ATP6V0A1: variants seen among roughly 807,000 people sequenced by gnomAD.
ATP6V0A1 encodes ATPase H+ transporting V0 subunit a1.
A neutral mutation model predicts 105.4 loss-of-function variants in ATP6V0A1; 43 were observed. The observed-to-expected ratio is 0.41, with a 90% CI of 0.32 to 0.53. The LOEUF (loss-of-function observed/expected upper bound fraction) is 0.53, where lower values mean the gene tolerates loss of function less well. Ranked by LOEUF, ATP6V0A1 falls within the 20% of genes least tolerant of loss-of-function variation. The pLI, the probability that ATP6V0A1 is intolerant of heterozygous loss-of-function variation, is 0.30. For missense variants in ATP6V0A1, 676 were observed against 1,051.1 expected, an observed-to-expected ratio of 0.64 and a Z score of 4.93; for synonymous variants, 362 against 372.8, an observed-to-expected ratio of 0.97 and a Z score of 0.33.
intron 17 of ATP6V0A1, 103 bp from the exon 18 acceptor site, chr17:42,507,415 CAT>C: frequency 1.7e-5 from 13 of 785,774 alleles, no homozygotes; most frequent in Non-Finnish European, 2.8e-5. Flanking sequence ...TGTTGTTAGA[CAT>C]ATGCTTTTCT....
intron 5 of ATP6V0A1, among the ~76,000 whole-genome samples, chr17:42,475,206 G>A (rs964626795): frequency 2.0e-5 from 3 of 152,100 alleles, no homozygotes; most frequent in South Asian, 2.1e-4. Context: ...TTTTTTTCTC[G>A]ATGTAGATGG....
chr17:42,503,643 C>T (rs570796585), intron 17 of ATP6V0A1, among the ~76,000 whole-genome samples: 2 of 152,276 alleles, frequency 1.3e-5, no homozygotes, highest in African/African-American at 4.8e-5. Flanking sequence ...AAAGTCTCAC[C>T]AGTAGTGATT....
At chr17:42,509,308 C>T (rs938263335) in intron 19 of ATP6V0A1, among the ~76,000 whole-genome samples, 3 of 152,176 alleles carry the variant, frequency 2.0e-5, no homozygotes, top group Non-Finnish European at 2.9e-5. Context: ...TCTGGCTCAG[C>T]AGTAATTCAC....
At chr17:42,505,203 T>TTTTTG (rs1369641847) in intron 17 of ATP6V0A1, among the ~76,000 whole-genome samples, 5 of 151,964 alleles carry the variant, frequency 3.3e-5, no homozygotes, top group Non-Finnish European at 7.4e-5. Context: ...GCCTGGCTAA[T>TTTTTG]TTTTGTTTTG....
rs149119705 is a variant in ATP6V0A1 at position 42,501,903 on chromosome 17, G to A, written c.2004+599G>A. Among the ~76,000 whole-genome samples the A allele has an allele frequency of 1.8e-4, 27 of 152,060 alleles. No individual in the cohort carries two copies. The East Asian group carries it at 4.1e-3, about 23-fold the overall frequency. ...ACAAAAATTAGCCAAGCGTGTTGGC[G>A]CGTGCCTGTAGTCCCAGCTACTTGG... On this transcript the variant is annotated intron_variant, in intron 17 of 21. Transcript: ENST00000343619.
At chr17:42,493,733 G>A (rs1357050656) in intron 11 of ATP6V0A1, among the ~76,000 whole-genome samples, 1 of 152,198 alleles carries the variant, frequency 6.6e-6, no homozygotes. Context: ...AGGATAACTT[G>A]AGTCCAGGGG....
intron 17 of ATP6V0A1, among the ~76,000 whole-genome samples, chr17:42,502,211 C>T (rs1171996859): frequency 2.6e-5 from 4 of 152,184 alleles, no homozygotes; most frequent in Non-Finnish European, 5.9e-5. Flanking sequence ...GCTCACGCTG[C>T]GCTCAGGAAA....
intron 5 of ATP6V0A1, among the ~76,000 whole-genome samples, chr17:42,473,874 A>G (rs1359889024): frequency 6.6e-6 from 1 of 152,256 alleles, no homozygotes; most frequent in Non-Finnish European, 1.5e-5. Context: ...TTTTAAAATC[A>G]TAATTTATGG....
In ATP6V0A1 at chr17:42,521,127, G is replaced by A. The variant is rs779948627; in HGVS notation, c.*7G>A. ...AGGGAAGTTTGAAGAGTGAGTCCCT[G>A]TGAGGGCCGTGTGCCCCATGCTACC... is the stretch of plus-strand genomic sequence containing the variant. On this transcript the variant is annotated 3_prime_UTR_variant, in exon 22 of 22. Coordinates refer to ENST00000343619, the MANE Select transcript of ATP6V0A1 (RefSeq NM_001130021.3). The surrounding 1 kb of genome is among the most constrained non-coding windows in gnomAD (Gnocchi z 4.8). 6.3e-7 allele frequency: 1 copy of A among 1,599,840 alleles called. No individual in the cohort carries two copies. The highest frequency in any genetic ancestry group is 8.5e-7 in the Non-Finnish European group (1 of 1,172,144).
At chr17:42,505,881 G>T (rs1201518328) in intron 17 of ATP6V0A1, among the ~76,000 whole-genome samples, 1 of 150,726 alleles carries the variant, frequency 6.6e-6, no homozygotes, top group Non-Finnish European at 1.5e-5. Context: ...ATCACCTCCC[G>T]GGTTTCAGCA....
chr17:42,480,098 C>A (rs765476261), intron 7 of ATP6V0A1, among the ~76,000 whole-genome samples: 8 of 152,184 alleles, frequency 5.3e-5, no homozygotes, highest in South Asian at 2.1e-4. Flanking sequence ...GGTTAACACA[C>A]CATACACCTT....
In ATP6V0A1 at chr17:42,468,448, C is replaced by A. The variant is rs533416611; in HGVS notation, c.294+341C>A. On this transcript the variant is annotated intron_variant, in intron 4 of 21. Transcript: ENST00000343619. Reference sequence around the variant, plus strand: ...AGTACATTGCTGTTAACTATAGGCACCCTACTCTGCTATTGAGCATTAGAA... The same window carrying A: ...AGTACATTGCTGTTAACTATAGGCAACCTACTCTGCTATTGAGCATTAGAA... Among the ~76,000 whole-genome samples, 7 of 152,224 alleles carry A rather than the reference C, an allele frequency of 4.6e-5. No homozygotes were observed. In the East Asian group the frequency reaches 1.4e-3, roughly 29 times the overall value.
At chr17:42,516,830 G>A (rs1044854045) in intron 21 of ATP6V0A1, among the ~76,000 whole-genome samples, 1 of 152,234 alleles carries the variant, frequency 6.6e-6, no homozygotes, top group Non-Finnish European at 1.5e-5. Flanking sequence ...TGGGCGACCT[G>A]GGTTGGAATT....
At chr17:42,468,149 G>A (rs774839383) in intron 4 of ATP6V0A1, 42 bp downstream of exon 4, 1 of 1,382,222 alleles carries the variant, frequency 7.2e-7, no homozygotes, top group Non-Finnish European at 1.0e-6. Flanking sequence ...CTTTCTACTT[G>A]AACGCAGAAA....
chr17:42,500,589 A>G, intron 15 of ATP6V0A1, 118 bp from the exon 16 acceptor site: 1 of 771,790 alleles, frequency 1.3e-6, no homozygotes, highest in Non-Finnish European at 2.1e-6. Flanking sequence ...TGCTGCTTAA[A>G]GTGATAAAGA....
At position 42,464,013 on chromosome 17, in the gene ATP6V0A1, G is replaced by T. The variant is rs114413600; in HGVS notation, c.118-2416G>T. On this transcript the variant is annotated intron_variant, in intron 2 of 21. Transcript: ENST00000343619. ...GAGGCTGAGGAGGAGGAAGGGGAGGGGTTGGTCTTACTGTCTCAGGCTGGC... is the reference window on the plus strand; with the variant it reads ...GAGGCTGAGGAGGAGGAAGGGGAGGTGTTGGTCTTACTGTCTCAGGCTGGC... 3.9e-4 allele frequency among the ~76,000 whole-genome samples: 59 copies of T among 152,210 alleles called. 1 individual carries two copies. Among genetic ancestry groups the T allele is most frequent in the African/African-American group, 1.3e-3 (56 of 41,526 alleles).
In ATP6V0A1 at chr17:42,508,665, C is replaced by A. The variant is rs144265518; in HGVS notation, c.2130+76C>A. ...CCATCCTTGTGATCACTCTGCTGAC[C>A]CTGCCACACCCTGGGGCCATACACA... On this transcript the variant is annotated intron_variant, in intron 19 of 21. Transcript: ENST00000343619. 790 of 1,586,648 alleles carry A rather than the reference C, an allele frequency of 5.0e-4. 2 individuals are homozygous for A. Among genetic ancestry groups the A allele is most frequent in the Admixed American group, 6.0e-4 (36 of 59,882 alleles).
chr17:42,486,367 C>T (rs1364081036), intron 9 of ATP6V0A1, among the ~76,000 whole-genome samples: 3 of 151,770 alleles, frequency 2.0e-5, no homozygotes, highest in Non-Finnish European at 2.9e-5. Flanking sequence ...GCTGAGACCA[C>T]GCCACTGCAC....
In ATP6V0A1 at chr17:42,466,455, A is replaced by G. The variant is rs112804782; in HGVS notation, c.144A>G (p.Gln48=). The G allele has an allele frequency of 8.2e-5, 132 of 1,613,396 alleles. No individual in the cohort carries two copies. Among genetic ancestry groups the G allele is most frequent in the Admixed American group, 1.2e-4 (7 of 60,020 alleles). The stretch of plus-strand genomic sequence containing the variant: ...TAAATCCAGATGTGAATGTTTTCCA[A>G]CGGAAATTTGTGAATGAAGTTAGAA... ...RDLNPDVNVF[Q]RKFVNEVRRC... is the part of the protein sequence containing the mutation. Residue 48 remains glutamine, a synonymous_variant, in exon 3 of 22, where the codon CAA becomes CAG. Coordinates refer to ENST00000343619, the MANE Select transcript of ATP6V0A1 (RefSeq NM_001130021.3).
Sources: gnomAD v4.1 joint callset for allele counts (sites outside exome capture counted in the v4.1 genomes callset) on GRCh38, gnomAD v4.1.1 for gene constraint, Gnocchi (gnomAD v3.1) non-coding constraint, MANE v1.5 for transcripts, NCBI Gene and HGNC (gene_info 2026-07-23, HGNC 2026-07-21) for gene names.